The following MPHOSPH9 variants were observed in gnomAD, a reference collection of about 807,000 sequenced individuals.
MPHOSPH9 encodes the protein M-phase phosphoprotein 9.
Under a neutral mutation model 145.5 loss-of-function variants are expected in MPHOSPH9, and 88 were observed. The ratio of observed to expected loss-of-function variants is 0.60; its 90% CI spans 0.51 to 0.72. MPHOSPH9 has a LOEUF of 0.72. Ranked by LOEUF, MPHOSPH9 falls within the 30% of genes least tolerant of loss-of-function variation. The pLI, the probability that MPHOSPH9 is intolerant of heterozygous loss-of-function variation, is 0.00. For synonymous variants in MPHOSPH9, 435 were observed against 486.2 expected, an observed-to-expected ratio of 0.89 and a Z score of 1.39; for missense variants, 1,238 against 1,386.6, an observed-to-expected ratio of 0.89 and a Z score of 1.70.
chr12:123,161,968 T>C (rs918526772), intron 21 of MPHOSPH9, 147 bp downstream of exon 21: 5 of 470,368 alleles, frequency 1.1e-5, no homozygotes, highest in African/African-American at 1.0e-4. Context: ...TAACAACACG[T>C]AGCATCATGA....
At chr12:123,240,623 AAAC>A (rs1275729704) in intron 1 of MPHOSPH9, 2 of 152,134 alleles carry the variant, frequency 1.3e-5, no homozygotes, top group Middle Eastern at 3.4e-3. Flanking sequence ...CAAAAAAAAA[AAAC>A]AAACAGTGAA....
At chr12:123,232,244 C>T (rs1412022875) in intron 1 of MPHOSPH9, among the ~76,000 whole-genome samples, 1 of 151,910 alleles carries the variant, frequency 6.6e-6, no homozygotes, top group African/African-American at 2.4e-5. Flanking sequence ...TAAGGTAATC[C>T]GGATCCGGAT....
chr12:123,230,401 T>C lies in MPHOSPH9; in HGVS notation c.-37A>G. On this transcript the variant is annotated 5_prime_UTR_variant, in exon 2 of 24. Transcript: ENST00000606320. Reference sequence around the variant, plus strand: ...ATTGTTATATTCTCTTATTGGAAAATAAAGGTTCTTGGGCTGTTTGAGAAA... The same window carrying C: ...ATTGTTATATTCTCTTATTGGAAAACAAAGGTTCTTGGGCTGTTTGAGAAA... The C allele has an allele frequency of 2.3e-6, 3 of 1,322,360 alleles. No homozygotes were observed. Among genetic ancestry groups the C allele is most frequent in the Non-Finnish European group, 3.1e-6 (3 of 969,182 alleles). The allele number at this position is 1,322,360 out of a possible 1,614,324, so 81.9% of individuals were successfully genotyped here. A position where few individuals can be genotyped will look rare whatever the true frequency, so the allele number is the denominator to read the frequency against.
chr12:123,181,435 G>A (rs956832931), intron 13 of MPHOSPH9, among the ~76,000 whole-genome samples: 55 of 152,210 alleles, frequency 3.6e-4, no homozygotes, highest in African/African-American at 1.2e-3. Flanking sequence ...AGCTGGATGC[G>A]GTGGCTCACA....
chr12:123,201,383 C>T (rs1406119096), intron 11 of MPHOSPH9, among the ~76,000 whole-genome samples: 1 of 151,914 alleles, frequency 6.6e-6, no homozygotes, highest in Non-Finnish European at 1.5e-5. Context: ...TATTTAAGTC[C>T]TATTTATTTA....
intron 1 of MPHOSPH9, among the ~76,000 whole-genome samples, chr12:123,231,030 G>A (rs905727257): frequency 6.6e-6 from 1 of 152,160 alleles, no homozygotes; most frequent in Non-Finnish European, 1.5e-5. Context: ...ACTTGTAAAA[G>A]ACTGAATTTT....
chr12:123,205,608 T>A (rs1476747324), intron 8 of MPHOSPH9, among the ~76,000 whole-genome samples: 1 of 151,922 alleles, frequency 6.6e-6, no homozygotes, highest in Non-Finnish European at 1.5e-5. Flanking sequence ...TACATGCCAA[T>A]AACCTAAAGA....
At chr12:123,184,587 T>C (rs180782848) in intron 13 of MPHOSPH9, among the ~76,000 whole-genome samples, 1 of 151,742 alleles carries the variant, frequency 6.6e-6, no homozygotes, top group Admixed American at 6.6e-5. Flanking sequence ...AAGCTCCGCC[T>C]CCCGGGTTCA....
At chr12:123,186,837 T>C (rs1003254085) in intron 13 of MPHOSPH9, among the ~76,000 whole-genome samples, 5 of 152,136 alleles carry the variant, frequency 3.3e-5, no homozygotes, top group African/African-American at 1.2e-4. Context: ...GGCACGCGCC[T>C]GTAACCCCAG....
intron 16 of MPHOSPH9, among the ~76,000 whole-genome samples, chr12:123,175,357 G>C (rs1026637194): frequency 2.0e-5 from 3 of 152,032 alleles, no homozygotes; most frequent in Non-Finnish European, 4.4e-5. Context: ...GTTTCATCGT[G>C]TTAGCCAGGA....
At chr12:123,179,837 C>A in intron 15 of MPHOSPH9, 89 bp downstream of exon 15, 2 of 661,966 alleles carry the variant, frequency 3.0e-6, no homozygotes, top group Middle Eastern at 2.6e-4. Context: ...TAAAAATCCT[C>A]AAGAAAAACT....
chr12:123,241,621 C>T (rs1447287321), intron 1 of MPHOSPH9, among the ~76,000 whole-genome samples: 1 of 152,028 alleles, frequency 6.6e-6, no homozygotes, highest in Non-Finnish European at 1.5e-5. Flanking sequence ...ATTACAGGCA[C>T]GAACCACCAT....
At chr12:123,182,956 G>A (rs1253098211) in intron 13 of MPHOSPH9, among the ~76,000 whole-genome samples, 1 of 151,570 alleles carries the variant, frequency 6.6e-6, no homozygotes. Flanking sequence ...GCTGACGCCT[G>A]TAATCCCAGC....
Position 123,221,801 on chromosome 12 carries a change from G to C in MPHOSPH9, c.443C>G (p.Ser148Cys), listed in dbSNP as rs911615617. The change falls in exon 5 of 24, where the codon TCT becomes TGT. Residue 148 changes from serine (S) to cysteine (C), a missense_variant. Physicochemically the swap from Ser to Cys is moderately radical, Grantham distance 112. Transcript: ENST00000606320. ...CEGNSSNKQV[S>C]SESQMGFFSL... ...AAAAAAACCCATTTGACTTTCCGAA[G>C]ATACTTGTTTGTTTGAAGAATTTCC... 8.7e-6 allele frequency: 14 copies of C among 1,613,900 alleles called. No homozygotes were observed. Among genetic ancestry groups the C allele is most frequent in the Middle Eastern group, 1.6e-4 (1 of 6,084 alleles).
chr12:123,189,921 G>A (rs373199625), intron 13 of MPHOSPH9, among the ~76,000 whole-genome samples: 45 of 151,050 alleles, frequency 3.0e-4, no homozygotes, highest in African/African-American at 1.1e-3. Context: ...GGGCAATGGA[G>A]CGAGACTCCA....
chr12:123,163,128 CT>C lies in MPHOSPH9; in HGVS notation c.2914del (p.Arg972GlufsTer5). ...SNRKSSTPTKREIMLTPVTVA... is the reference protein window; with the variant it reads ...SNRKSSTPTKXEIMLTPVTVA... ...AGTCACTGGTGTTAGCATAATCTCT[CT>C]TTTTGCTATAGAAGAAAATGAAGAG... On this transcript the variant is annotated frameshift_variant, in exon 20 of 24. Transcript: ENST00000606320. LOFTEE classifies it high-confidence loss of function. 1.9e-6 allele frequency: 3 copies of C among 1,576,936 alleles called. No homozygotes were observed. The highest frequency in any genetic ancestry group is 8.6e-7 in the Non-Finnish European group (1 of 1,168,352).
chr12:123,206,453 C>T (rs1276477040), intron 8 of MPHOSPH9, among the ~76,000 whole-genome samples: 1 of 148,136 alleles, frequency 6.8e-6, no homozygotes, highest in Non-Finnish European at 1.5e-5. Context: ...CAGAGTGAGA[C>T]CGTGAAGAAA....
chr12:123,157,008 C>T, intron 23 of MPHOSPH9, 100 bp from the exon 24 acceptor site: 1 of 722,686 alleles, frequency 1.4e-6, no homozygotes, highest in Non-Finnish European at 2.2e-6. Context: ...CAAGTATAAA[C>T]ACTAAAATTA....
intron 15 of MPHOSPH9, among the ~76,000 whole-genome samples, chr12:123,179,201 G>A (rs553691199): frequency 6.6e-6 from 1 of 152,296 alleles, no homozygotes; most frequent in Admixed American, 6.5e-5. Context: ...GATGAGACGA[G>A]AGGATCACTT....
Sources: gnomAD v4.1 joint callset for allele counts (sites outside exome capture counted in the v4.1 genomes callset) on GRCh38, gnomAD v4.1.1 for gene constraint, MANE v1.5 for transcripts, NCBI Gene and HGNC (gene_info 2026-07-23, HGNC 2026-07-21) for gene names.